Variants in DAAM2 observed in about 807,000 individuals in gnomAD.
DAAM2 encodes the protein dishevelled associated activator of morphogenesis 2, also known as disheveled-associated activator of morphogenesis 2.
In DAAM2, 39 loss-of-function variants were observed where a neutral mutation model predicts 120.7. The ratio of observed to expected loss-of-function variants is 0.32; its 90% confidence interval spans 0.25 to 0.42. The LOEUF is 0.42. Ranked by LOEUF, DAAM2 falls within the 10% of genes least tolerant of loss-of-function variation. The pLI is 1.00. For synonymous variants in DAAM2, 488 were observed against 524.9 expected, an observed-to-expected ratio of 0.93 and a Z score of 0.96; for missense variants, 1,283 against 1,401.7, an observed-to-expected ratio of 0.92 and a Z score of 1.35.
At chr6:39,814,625 G>A (rs1762257727) in intron 1 of DAAM2, among the ~76,000 whole-genome samples, 1 of 152,248 alleles carries the variant, frequency 6.6e-6, no homozygotes. Flanking sequence ...CACTGTCCTA[G>A]GCAGCTTCTA....
rs1765021602 is a variant in DAAM2, at chr6:39,879,414, G to A, written c.1782G>A (p.Arg594=). ...ACCCCAGCAGTGACGTCCCACTCAG[G>A]AAAAAGCGTGTCCCCCAGCCTTCTC... ...DPYPSSDVPL[R]KKRVPQPSHP... Residue 594 remains arginine, a synonymous_variant, in exon 14 of 25, where the codon AGG becomes AGA. Transcript: ENST00000274867. 6.2e-7 allele frequency: 1 copy of A among 1,613,776 alleles called. No individual in the cohort carries two copies. Among genetic ancestry groups the A allele is most frequent in the African/African-American group, 1.3e-5 (1 of 74,888 alleles).
At chr6:39,813,557 G>C (rs1390514163) in intron 1 of DAAM2, among the ~76,000 whole-genome samples, 3 of 151,178 alleles carry the variant, frequency 2.0e-5, no homozygotes, top group Admixed American at 6.6e-5. Flanking sequence ...ATATGAAGTT[G>C]CTTTTTTTAA....
chr6:39,879,806 G>T (rs1245671183), intron 14 of DAAM2: 1 of 449,038 alleles, frequency 2.2e-6, no homozygotes, highest in Non-Finnish European at 4.1e-6. Context: ...TTGAAGGAAA[G>T]GATGGAAAAA....
At chr6:39,891,832 C>A in intron 19 of DAAM2, 110 bp downstream of exon 19, 9 of 824,452 alleles carry the variant, frequency 1.1e-5, no homozygotes, top group South Asian at 3.8e-5. Flanking sequence ...TATTCTCAAC[C>A]CAAAAACAAA....
chr6:39,843,042 T>C (rs1763413379), intron 1 of DAAM2, among the ~76,000 whole-genome samples: 1 of 152,200 alleles, frequency 6.6e-6, no homozygotes, highest in Admixed American at 6.5e-5. Flanking sequence ...ATTGATAGGG[T>C]CAAGAATTCA....
intron 1 of DAAM2, among the ~76,000 whole-genome samples, chr6:39,828,437 G>A (rs1762755561): frequency 6.6e-6 from 1 of 152,226 alleles, no homozygotes; most frequent in Non-Finnish European, 1.5e-5. Context: ...GCCCTTGCCA[G>A]TGGAACTATG....
At chr6:39,886,622 G>A in intron 15 of DAAM2, 1 of 396,012 alleles carries the variant, frequency 2.5e-6, no homozygotes, top group Non-Finnish European at 4.4e-6. Flanking sequence ...GTAGCAGAGG[G>A]AGGTAATCAA....
chr6:39,898,757 A>G, intron 21 of DAAM2, 120 bp from the exon 22 acceptor site: 3 of 821,180 alleles, frequency 3.7e-6, no homozygotes, highest in Non-Finnish European at 6.2e-6. Context: ...CAGGGCTGGA[A>G]CCCAGGCTCA....
At chr6:39,803,563 C>T (rs1761928640) in intron 1 of DAAM2, among the ~76,000 whole-genome samples, 2 of 152,164 alleles carry the variant, frequency 1.3e-5, no homozygotes, top group South Asian at 4.1e-4. Context: ...GACTGAGGCT[C>T]AGATGAGGAA....
chr6:39,867,173 G>C (rs1347531534), intron 5 of DAAM2: 15 of 268,048 alleles, frequency 5.6e-5, no homozygotes, highest in Non-Finnish European at 6.5e-5. Context: ...TTATCCGACT[G>C]TAATTCTCTT....
intron 1 of DAAM2, among the ~76,000 whole-genome samples, chr6:39,829,275 G>A (rs576585980): frequency 4.6e-5 from 7 of 152,302 alleles, no homozygotes; most frequent in Admixed American, 1.3e-4. Flanking sequence ...ACTGGTTGTG[G>A]GTAGCAAGCA....
At chr6:39,794,135 G>A (rs994156440) in intron 1 of DAAM2, among the ~76,000 whole-genome samples, 2 of 152,210 alleles carry the variant, frequency 1.3e-5, no homozygotes, top group Admixed American at 6.5e-5. Context: ...CAACTGAAGT[G>A]TAATGAAGGA....
At chr6:39,808,067 T>C (rs1244424802) in intron 1 of DAAM2, among the ~76,000 whole-genome samples, 1 of 136,040 alleles carries the variant, frequency 7.4e-6, no homozygotes, top group African/African-American at 2.6e-5. Context: ...GTAATCACTG[T>C]TTTTGACCTT....
chr6:39,808,740 G>T (rs1427772308), intron 1 of DAAM2, among the ~76,000 whole-genome samples: 1 of 152,222 alleles, frequency 6.6e-6, no homozygotes, highest in East Asian at 1.9e-4. Flanking sequence ...TATGGCCTTT[G>T]TCCTTGACCC....
At chr6:39,896,727 T>C in intron 19 of DAAM2, 85 bp from the exon 20 acceptor site, 1 of 1,249,722 alleles carries the variant, frequency 8.0e-7, no homozygotes, top group Non-Finnish European at 1.1e-6. Context: ...TTTCTGAACT[T>C]TGCGGTGGCA....
At chr6:39,857,807 G>T (rs1764065103) in intron 2 of DAAM2, among the ~76,000 whole-genome samples, 1 of 152,136 alleles carries the variant, frequency 6.6e-6, no homozygotes, top group Admixed American at 6.5e-5. Flanking sequence ...TGGAGAGACT[G>T]CTGGGTGCTG....
At chr6:39,872,655 C>T (rs1172160595) in intron 9 of DAAM2, among the ~76,000 whole-genome samples, 1 of 152,312 alleles carries the variant, frequency 6.6e-6, no homozygotes, top group East Asian at 1.9e-4. Flanking sequence ...CTGAGTGCAT[C>T]CATTATATTT....
chr6:39,851,743 CT>C (rs1378777247), intron 1 of DAAM2, among the ~76,000 whole-genome samples: 1 of 152,174 alleles, frequency 6.6e-6, no homozygotes, highest in Non-Finnish European at 1.5e-5. Flanking sequence ...CTTGGGAAGC[CT>C]TTGGGAATAG....
rs1764837964 is a variant in DAAM2, at chr6:39,875,567, A to G, written c.1301+99A>G. 3 of 1,415,154 alleles carry G rather than the reference A, an allele frequency of 2.1e-6. No individual in the cohort carries two copies. The South Asian group carries it at 4.1e-5, about 19-fold the overall frequency. 87.7% of individuals were successfully genotyped at this position (1,415,154 alleles called of 1,614,324 possible). ...AAACCTCAGCTCCCTTTCGCAACCC[A>G]GTCATCCCGAAATGAGTCTTGGGCA... On this transcript the variant is annotated intron_variant, in intron 11 of 24. Coordinates refer to ENST00000274867, the MANE Select transcript of DAAM2 (RefSeq NM_001201427.2).
Sources: gnomAD v4.1 joint callset for allele counts (sites outside exome capture counted in the v4.1 genomes callset) on GRCh38, gnomAD v4.1.1 for gene constraint, MANE v1.5 for transcripts, NCBI Gene and HGNC (gene_info 2026-07-23, HGNC 2026-07-21) for gene names.